Variants in FAT3 observed in about 807,000 individuals in gnomAD.
FAT3 encodes the protein protocadherin Fat 3.
In FAT3, 95 loss-of-function variants were observed where a neutral mutation model predicts 310.2. The ratio of observed to expected loss-of-function variants is 0.31; its 90% CI spans 0.26 to 0.36. The LOEUF (loss-of-function observed/expected upper bound fraction) is 0.36. Ranked by LOEUF, FAT3 falls within the 10% of genes least tolerant of loss-of-function variation. The pLI, the probability that FAT3 is intolerant of heterozygous loss-of-function variation, is 1.00. For synonymous variants in FAT3, 2,314 were observed against 2,192.9 expected, an observed-to-expected ratio of 1.06 and a Z score of -1.54; for missense variants, 5,408 against 5,715.6, an observed-to-expected ratio of 0.95 and a Z score of 1.74.
chr11:92,838,361 A>C (rs1280960757), intron 17 of FAT3, among the ~76,000 whole-genome samples: 2 of 152,212 alleles, frequency 1.3e-5, no homozygotes, highest in Non-Finnish European at 2.9e-5. Context: ...TTAACACTTT[A>C]AATCCACCTG....
At chr11:92,328,299 C>T (rs570753368) in intron 1 of FAT3, among the ~76,000 whole-genome samples, 7 of 152,282 alleles carry the variant, frequency 4.6e-5, no homozygotes, top group Non-Finnish European at 7.4e-5. Context: ...GGGTGACAAA[C>T]GATGCTATAC....
intron 1 of FAT3, among the ~76,000 whole-genome samples, chr11:92,311,429 C>T (rs1032205503): frequency 6.6e-6 from 1 of 152,136 alleles, no homozygotes; most frequent in Non-Finnish European, 1.5e-5. Context: ...CTATTTATCA[C>T]TCTGTCTCAT....
chr11:92,419,418 A>G (rs1950491276), intron 2 of FAT3, among the ~76,000 whole-genome samples: 1 of 152,160 alleles, frequency 6.6e-6, no homozygotes, highest in Non-Finnish European at 1.5e-5. Context: ...TAACTTGCAT[A>G]GATCCAGACT....
chr11:92,567,965 G>C (rs1248684179), intron 3 of FAT3, among the ~76,000 whole-genome samples: 1 of 151,930 alleles, frequency 6.6e-6, no homozygotes, highest in Non-Finnish European at 1.5e-5. Flanking sequence ...TGGGTGCAGT[G>C]CACCCGCATG....
At chr11:92,739,604 C>G (rs553252435) in intron 4 of FAT3, among the ~76,000 whole-genome samples, 1 of 152,116 alleles carries the variant, frequency 6.6e-6, no homozygotes, top group East Asian at 1.9e-4. Flanking sequence ...ATTAGAATCC[C>G]TGACATACTC....
chr11:92,705,553 TG>T (rs1944274761), intron 4 of FAT3, among the ~76,000 whole-genome samples: 1 of 130,348 alleles, frequency 7.7e-6, no homozygotes, highest in African/African-American at 3.0e-5. Flanking sequence ...GTGATGGTGG[TG>T]GTGTGATGGT....
intron 2 of FAT3, among the ~76,000 whole-genome samples, chr11:92,508,452 G>A (rs942022632): frequency 1.7e-4 from 26 of 152,034 alleles, no homozygotes; most frequent in African/African-American, 6.3e-4. Context: ...TTCAGATTCT[G>A]ATACAGAAAA....
chr11:92,443,069 C>T (rs374380474), intron 2 of FAT3, among the ~76,000 whole-genome samples: 31 of 152,214 alleles, frequency 2.0e-4, no homozygotes, highest in Admixed American at 5.2e-4. Context: ...ATTTTAATTA[C>T]GAACATAACT....
At chr11:92,778,247 C>T (rs1215873577) in intron 7 of FAT3, among the ~76,000 whole-genome samples, 1 of 152,088 alleles carries the variant, frequency 6.6e-6, no homozygotes, top group Non-Finnish European at 1.5e-5. Flanking sequence ...CTTCTCTTTG[C>T]CTAAAACCAA....
At chr11:92,462,518 C>G (rs891980849) in intron 2 of FAT3, among the ~76,000 whole-genome samples, 13 of 152,082 alleles carry the variant, frequency 8.5e-5, no homozygotes, top group African/African-American at 3.1e-4. Flanking sequence ...AATCCAGTAT[C>G]CTGCTGTTTC....
At chr11:92,599,334 TG>T in intron 3 of FAT3, among the ~76,000 whole-genome samples, 1 of 151,920 alleles carries the variant, frequency 6.6e-6, no homozygotes, top group Non-Finnish European at 1.5e-5. Context: ...AAGTGGGGGG[TG>T]GGGGAACCCC....
rs563451875 is a variant in FAT3 at position 92,494,139 on chromosome 11, T to G, written c.3293-30495T>G. On this transcript the variant is annotated intron_variant, in intron 2 of 27. Coordinates refer to ENST00000525166, the MANE Select transcript of FAT3 (RefSeq NM_001367949.2). ...AGAGAGAGTGAGTGCAGGGGAAAAC[T>G]TATATTTTAAACCATTAGATCTCAT... Among the ~76,000 whole-genome samples the G allele has an allele frequency of 7.9e-5, 12 of 151,826 alleles. No individual in the cohort carries two copies. The East Asian group carries it at 2.3e-3, about 30-fold the overall frequency.
At chr11:92,746,628 C>A (rs1224029277) in intron 4 of FAT3, among the ~76,000 whole-genome samples, 3 of 152,156 alleles carry the variant, frequency 2.0e-5, no homozygotes, top group African/African-American at 7.2e-5. Context: ...CAAAAGTCCA[C>A]AGTCCAAAGT....
rs769444343 is a variant in FAT3, at chr11:92,524,717, G to T, written c.3376G>T (p.Val1126Phe). 1.2e-6 allele frequency: 2 copies of T among 1,613,832 alleles called. No individual in the cohort carries two copies. Among genetic ancestry groups the T allele is most frequent in the South Asian group, 2.2e-5 (2 of 91,072 alleles). Residue 1126 changes from valine (V) to phenylalanine (F), a missense_variant, in exon 3 of 28, where the codon GTT (valine) becomes TTT (phenylalanine). Physicochemically the swap from Val to Phe is conservative, Grantham distance 50. Around this residue, in one of 5 missense-constraint regions of FAT3, gnomAD observed 4,588 missense variants for 4,809.8 expected, o/e 0.95. Transcript: ENST00000525166. ...LTVYATDRGV[V>F]PLYSTIEVYI... ...AGTGTATGCCACAGACAGGGGCGTT[G>T]TTCCACTCTACTCCACCATTGAGGT...
Sources: allele counts gnomAD v4.1 joint callset (sites outside exome capture counted in the v4.1 genomes callset), GRCh38; gene constraint gnomAD v4.1.1; regional missense constraint gnomAD v4.1.1; transcripts MANE v1.5; gene names NCBI Gene and HGNC (gene_info 2026-07-23, HGNC 2026-07-21).